The following MRTFB variants were observed in gnomAD, a reference collection of about 807,000 sequenced individuals.
The protein encoded by MRTFB is myocardin-related transcription factor B.
In MRTFB, 29 loss-of-function variants were observed where a neutral mutation model predicts 104.2. The ratio of observed to expected loss-of-function variants is 0.28; its 90% confidence interval spans 0.21 to 0.38. MRTFB has a LOEUF of 0.38. MRTFB is among the 10% of genes least tolerant of loss of function. The pLI is 1.00. For synonymous variants in MRTFB, 535 were observed against 519.5 expected, an observed-to-expected ratio of 1.03 and a Z score of -0.41; for missense variants, 1,270 against 1,341.6, an observed-to-expected ratio of 0.95 and a Z score of 0.83.
chr16:14,108,102 A>G (rs1412587668), intron 2 of MRTFB, among the ~76,000 whole-genome samples: 1 of 152,186 alleles, frequency 6.6e-6, no homozygotes, highest in Non-Finnish European at 1.5e-5. Flanking sequence ...AATAATTTCT[A>G]CCTGGCTTCA....
At chr16:14,079,781 T>G (rs1258847334) in intron 2 of MRTFB, among the ~76,000 whole-genome samples, 1 of 152,104 alleles carries the variant, frequency 6.6e-6, no homozygotes, top group Admixed American at 6.5e-5. Context: ...TGAAAAAAAT[T>G]TCTATCCGTA....
At chr16:14,024,736 ATCTC>A in the MRTFB span, among the ~76,000 whole-genome samples, 1 of 152,198 alleles carries the variant, frequency 6.6e-6, no homozygotes, top group Admixed American at 6.5e-5. Flanking sequence ...TAAAACTTCT[ATCTC>A]TATTTTTTAA....
At chr16:14,212,951 ATATT>A (rs2041257932) in intron 5 of MRTFB, among the ~76,000 whole-genome samples, 1 of 152,204 alleles carries the variant, frequency 6.6e-6, no homozygotes, top group Admixed American at 6.5e-5. Context: ...GCCATTATGA[ATATT>A]CATTCATTTT....
the MRTFB span, among the ~76,000 whole-genome samples, chr16:14,008,541 T>C: frequency 2.6e-5 from 4 of 152,200 alleles, no homozygotes; most frequent in East Asian, 3.8e-4. Flanking sequence ...AGTCAAGTGA[T>C]CTATATGTCT....
chr16:14,148,974 G>C (rs564667861), intron 3 of MRTFB, among the ~76,000 whole-genome samples: 1 of 152,262 alleles, frequency 6.6e-6, no homozygotes, highest in African/African-American at 2.4e-5. Flanking sequence ...GTTTAATACA[G>C]ACCTCACATC....
chr16:14,173,824 G>A (rs571882988), intron 3 of MRTFB, among the ~76,000 whole-genome samples: 3 of 152,122 alleles, frequency 2.0e-5, no homozygotes, highest in Middle Eastern at 3.4e-3. Flanking sequence ...TGATGTAATG[G>A]TTTACGGATT....
intron 3 of MRTFB, among the ~76,000 whole-genome samples, chr16:14,168,802 A>G (rs913001164): frequency 6.6e-6 from 1 of 152,182 alleles, no homozygotes; most frequent in African/African-American, 2.4e-5. Context: ...TGGCTGCATC[A>G]TTTTATACTC....
chr16:14,193,437 G>A (rs938254264), intron 3 of MRTFB, among the ~76,000 whole-genome samples: 1 of 152,028 alleles, frequency 6.6e-6, no homozygotes, highest in Non-Finnish European at 1.5e-5. Context: ...CCTGGCCTGA[G>A]CACCTGCAGC....
chr16:14,062,505 G>A, the MRTFB span, among the ~76,000 whole-genome samples: 44 of 152,164 alleles, frequency 2.9e-4, no homozygotes, highest in African/African-American at 1.0e-3. Context: ...GGTAAGCAGG[G>A]GGAGTGGGCT....
intron 2 of MRTFB, among the ~76,000 whole-genome samples, chr16:14,112,610 AG>A (rs2036330917): frequency 6.6e-6 from 1 of 152,232 alleles, no homozygotes. Flanking sequence ...TTCTTCACAT[AG>A]AAGTCTGATG....
chr16:14,119,784 TAGGAG>T, intron 2 of MRTFB, among the ~76,000 whole-genome samples: 1 of 152,222 alleles, frequency 6.6e-6, no homozygotes, highest in Non-Finnish European at 1.5e-5. Flanking sequence ...GGGCTTAGTG[TAGGAG>T]TTTAGTCTAA....
At position 14,261,081 on chromosome 16, in the gene MRTFB, G is replaced by C; in HGVS notation, c.2937G>C (p.Glu979Asp). The change falls in exon 17 of 17, where the codon GAG becomes GAC. Residue 979 changes from glutamate (E) to aspartate (D), a missense_variant. This residue lies in a region of MRTFB where 1,144 missense variants were observed against 1,131.5 expected (regional missense o/e 1.01). Transcript: ENST00000571589. ...TGGGCAGTTTATCTGCCAGCTTAGA[G>C]AACCAACTAGAAGCTTTCTTGGATG... ...EPMGSLSASL[E>D]NQLEAFLDGT... 1 of 1,614,184 alleles carries C rather than the reference G, an allele frequency of 6.2e-7. No homozygotes were observed. Among genetic ancestry groups the C allele is most frequent in the Non-Finnish European group, 8.5e-7 (1 of 1,180,042 alleles).
chr16:14,179,829 A>G (rs139667974), intron 3 of MRTFB, among the ~76,000 whole-genome samples: 29 of 152,340 alleles, frequency 1.9e-4, no homozygotes, highest in Non-Finnish European at 3.7e-4. Flanking sequence ...ACCATCCTAC[A>G]GGCTTTTCCT....
At position 14,264,740 on chromosome 16, in the gene MRTFB, C is replaced by T. The variant is rs1190229762; in HGVS notation, c.*3296C>T. ...GGTGGTGCTGCCTGCAAGCTGCTGC[C>T]TATGGAAGGCAAAGTCATAGTAATG... On this transcript the variant is annotated 3_prime_UTR_variant, in exon 17 of 17. Transcript: ENST00000571589. 1 of 152,178 alleles carries T rather than the reference C, an allele frequency of 6.6e-6. No homozygotes were observed. Among genetic ancestry groups the T allele is most frequent in the African/African-American group, 2.4e-5 (1 of 41,428 alleles). 9.4% of individuals were successfully genotyped at this position (152,178 alleles called of 1,614,324 possible). A position where few individuals can be genotyped will look rare whatever the true frequency, so the allele number is the denominator to read the frequency against.
chr16:14,236,469 C>A (rs1416276958), intron 9 of MRTFB, among the ~76,000 whole-genome samples: 3 of 152,148 alleles, frequency 2.0e-5, no homozygotes, highest in Non-Finnish European at 2.9e-5. Context: ...AAATCCCCAC[C>A]CTTAGGGTAA....
intron 8 of MRTFB, among the ~76,000 whole-genome samples, chr16:14,221,379 T>G (rs1168195356): frequency 6.6e-6 from 1 of 152,240 alleles, no homozygotes; most frequent in Non-Finnish European, 1.5e-5. Flanking sequence ...TTGCTTCTCC[T>G]TAGACACAAA....
At chr16:14,091,074 G>A (rs1028684998) in intron 2 of MRTFB, among the ~76,000 whole-genome samples, 6 of 152,096 alleles carry the variant, frequency 3.9e-5, no homozygotes, top group African/African-American at 7.2e-5. Context: ...CCAGCAGCGG[G>A]GAGGTGATTG....
the MRTFB span, among the ~76,000 whole-genome samples, chr16:14,061,074 AG>A: frequency 6.6e-6 from 1 of 152,148 alleles, no homozygotes; most frequent in Non-Finnish European, 1.5e-5. Context: ...TGAACCTGGG[AG>A]GCAGAGCTTG....
At chr16:14,072,752 C>T (rs1331787179) in intron 1 of MRTFB, among the ~76,000 whole-genome samples, 2 of 152,050 alleles carry the variant, frequency 1.3e-5, no homozygotes, top group South Asian at 2.1e-4. Context: ...CTGTTTCTTG[C>T]GAATTAAAGA....
Sources: allele counts gnomAD v4.1 joint callset (sites outside exome capture counted in the v4.1 genomes callset), GRCh38; gene constraint gnomAD v4.1.1; regional missense constraint gnomAD v4.1.1; transcripts MANE v1.5; gene names NCBI Gene and HGNC (gene_info 2026-07-23, HGNC 2026-07-21).